The following RYR1 variants were observed in gnomAD, a reference collection of about 807,000 sequenced individuals.
The protein encoded by RYR1 is ryanodine receptor 1.
Under a neutral mutation model 583.5 loss-of-function variants are expected in RYR1, and 342 were observed. The observed-to-expected ratio is 0.59, with a 90% CI of 0.54 to 0.64. The LOEUF (loss-of-function observed/expected upper bound fraction) is 0.64. Among genes scored for constraint, RYR1 ranks in the 30% least tolerant of loss-of-function variants. The pLI is 0.00. For missense variants in RYR1, 6,032 were observed against 6,917.2 expected, an observed-to-expected ratio of 0.87 and a Z score of 4.54; for synonymous variants, 2,791 against 2,822.5, an observed-to-expected ratio of 0.99 and a Z score of 0.35.
chr19:38,496,639 C>G lies in RYR1; in HGVS notation c.6796+98C>G, dbSNP rs1969843430. Reference sequence around the variant, plus strand: ...TCCACCAGCTCACTCATTCAACAAACACTCCCTCTCAACTGTGGTTCTGGC... The same window carrying G: ...TCCACCAGCTCACTCATTCAACAAAGACTCCCTCTCAACTGTGGTTCTGGC... On this transcript the variant is annotated intron_variant, in intron 41 of 105. Coordinates refer to ENST00000359596, the MANE Select transcript of RYR1 (RefSeq NM_000540.3). This position sits in a 1 kb window ranked among gnomAD's most constrained non-coding sequence, Gnocchi z 4.8. The G allele has an allele frequency of 6.9e-7, 1 of 1,450,984 alleles. No homozygotes were observed. The highest frequency in any genetic ancestry group is 1.7e-5 in the Admixed American group (1 of 58,346). The allele number at this position is 1,450,984 out of a possible 1,614,324, so 89.9% of individuals were successfully genotyped here. A position where few individuals can be genotyped will look rare whatever the true frequency, so the allele number is the denominator to read the frequency against.
intron 10 of RYR1, 58 bp downstream of exon 10, chr19:38,448,569 G>T (rs1300158394): frequency 2.5e-6 from 4 of 1,613,974 alleles, no homozygotes; most frequent in Admixed American, 1.7e-5. Context: ...AGCCCAGCCT[G>T]CACTCTGCAG....
chr19:38,446,617 T>C (rs111657415), intron 8 of RYR1, 52 bp downstream of exon 8: 1 of 1,599,730 alleles, frequency 6.3e-7, no homozygotes, highest in Non-Finnish European at 8.6e-7. Context: ...CGTGGAGGGC[T>C]GGGACCCTAT....
At chr19:38,515,776 G>C (rs1332385286) in intron 64 of RYR1, among the ~76,000 whole-genome samples, 3 of 151,970 alleles carry the variant, frequency 2.0e-5, no homozygotes, top group Non-Finnish European at 4.4e-5. Context: ...CTACAAAAAC[G>C]ACTTTTTTTA....
chr19:38,461,972 T>C (rs946825084), intron 20 of RYR1, among the ~76,000 whole-genome samples: 5 of 151,894 alleles, frequency 3.3e-5, no homozygotes, highest in Non-Finnish European at 7.4e-5. Flanking sequence ...GGAGAATCAC[T>C]TGAACCCGGG....
intron 31 of RYR1, among the ~76,000 whole-genome samples, chr19:38,482,709 C>T (rs1250967905): frequency 6.6e-6 from 1 of 152,058 alleles, no homozygotes; most frequent in African/African-American, 2.4e-5. Flanking sequence ...TTCAGCCTCC[C>T]AAAGTTCTAG....
At chr19:38,585,165 C>A in intron 102 of RYR1, 66 bp downstream of exon 102, 1 of 1,573,942 alleles carries the variant, frequency 6.4e-7, no homozygotes, top group Non-Finnish European at 8.7e-7. Context: ...GAATGCAGGC[C>A]CAGGATCCAG....
At chr19:38,436,239 A>G (rs1972422520) in intron 1 of RYR1, among the ~76,000 whole-genome samples, 1 of 146,878 alleles carries the variant, frequency 6.8e-6, no homozygotes, top group Admixed American at 6.8e-5. Context: ...CAGAGTCTCA[A>G]TCTGTTGCCC....
Position 38,502,748 on chromosome 19 carries a change from G to GAGT in RYR1, c.7835+21_7835+22insAGT, listed in dbSNP as rs1970201301. 6.0e-6 allele frequency: 9 copies of GAGT among 1,510,542 alleles called. No homozygotes were observed. The African/African-American group carries it at 8.6e-5, about 14-fold the overall frequency. The allele number at this position is 1,510,542 out of a possible 1,614,324, so 93.6% of individuals were successfully genotyped here. On this transcript the variant is annotated intron_variant, in intron 48 of 105. Coordinates refer to ENST00000359596, the MANE Select transcript of RYR1 (RefSeq NM_000540.3). ...TGCAGGTGGAGCGGGGCAGGCTTCAGGGTGGGGCAGGGGCAGGGGCAGGGG... is the reference window on the plus strand; with the variant it reads ...TGCAGGTGGAGCGGGGCAGGCTTCAGAGTGGTGGGGCAGGGGCAGGGGCAGGGG...
intron 76 of RYR1, among the ~76,000 whole-genome samples, chr19:38,530,145 G>A (rs1971666654): frequency 6.6e-6 from 1 of 152,068 alleles, no homozygotes; most frequent in African/African-American, 2.4e-5. Flanking sequence ...GTAGAGACGG[G>A]CTTTCACCAT....
intron 39 of RYR1, among the ~76,000 whole-genome samples, 192 bp downstream of exon 39, chr19:38,494,817 C>G (rs937196590): frequency 6.6e-6 from 1 of 150,866 alleles, no homozygotes; most frequent in East Asian, 1.9e-4. Context: ...AGCTCCGCTT[C>G]TGTGTGACTC....
chr19:38,494,977 C>A (rs1490439559), intron 39 of RYR1, among the ~76,000 whole-genome samples: 1 of 151,748 alleles, frequency 6.6e-6, no homozygotes, highest in Non-Finnish European at 1.5e-5. Flanking sequence ...CTCAGCCTCC[C>A]AAGTAGCTGG....
chr19:38,499,941 G>A lies in RYR1; in HGVS notation c.7248G>A (p.Val2416=). ...AGGAACCGCCTGAAGAAAACCGGGT[G>A]CACCTGGGACACGCCATCATGTCCT... is the stretch of plus-strand genomic sequence containing the variant. ...FGEEPPEENR[V]HLGHAIMSFY... The change falls in exon 45 of 106, where the codon GTG becomes GTA. Residue 2416 remains valine, a synonymous_variant. Transcript: ENST00000359596. This position sits in a 1 kb window ranked among gnomAD's most constrained non-coding sequence, Gnocchi z 7.3. 1 of 1,614,128 alleles carries A rather than the reference G, an allele frequency of 6.2e-7. No homozygotes were observed. Among genetic ancestry groups the A allele is most frequent in the Non-Finnish European group, 8.5e-7 (1 of 1,180,012 alleles).
At chr19:38,472,766 G>A (rs2145479646) in intron 27 of RYR1, among the ~76,000 whole-genome samples, 1 of 150,636 alleles carries the variant, frequency 6.6e-6, no homozygotes, top group Non-Finnish European at 1.5e-5. Flanking sequence ...AATCCAGGAG[G>A]CAGAGGTTGC....
At chr19:38,518,416 A>G (rs539492531) in intron 66 of RYR1, among the ~76,000 whole-genome samples, 2 of 143,494 alleles carry the variant, frequency 1.4e-5, no homozygotes, top group East Asian at 2.2e-4. Flanking sequence ...AAAAAAAAAA[A>G]AAAAAAAGAA....
chr19:38,441,342 G>A lies in RYR1; in HGVS notation c.165+478G>A, dbSNP rs3786828. 1.9e-3 allele frequency among the ~76,000 whole-genome samples: 282 copies of A among 147,732 alleles called. 1 individual carries two copies. The highest frequency in any genetic ancestry group is 6.7e-3 in the African/African-American group (266 of 39,844). ...GGGGTTTTATTTTTTATTTTTAAAAGTTTTTCAGGTAACAAGACTGAATTA... is the reference window on the plus strand; with the variant it reads ...GGGGTTTTATTTTTTATTTTTAAAAATTTTTCAGGTAACAAGACTGAATTA... On this transcript the variant is annotated intron_variant, in intron 2 of 105. Transcript: ENST00000359596.
chr19:38,515,218 C>G (rs748030611), intron 64 of RYR1, 111 bp downstream of exon 64: 2 of 877,094 alleles, frequency 2.3e-6, no homozygotes, highest in Middle Eastern at 6.2e-4. Context: ...AGAATTTTCC[C>G]GCACACGGCG....
rs557656630 is a variant in RYR1 at position 38,495,989 on chromosome 19, C to T, written c.6549-226C>T. ...TGTTGGCCAGGCTGATCTCGATCTC[C>T]TGACCTCAAGTGATCCTCTAGCTTC... On this transcript the variant is annotated intron_variant, in intron 39 of 105. Coordinates refer to ENST00000359596, the MANE Select transcript of RYR1 (RefSeq NM_000540.3). Among the ~76,000 whole-genome samples the T allele has an allele frequency of 4.6e-5, 7 of 152,238 alleles. 1 individual carries two copies. In the South Asian group the frequency reaches 1.4e-3, roughly 32 times the overall value.
chr19:38,490,293 CGCTG>C lies in RYR1; in HGVS notation c.6015+20_6015+23del. On this transcript the variant is annotated intron_variant, in intron 36 of 105. Transcript: ENST00000359596. The stretch of plus-strand genomic sequence containing the variant: ...CAGGAACAGGTCATCTGACCCCTGA[CGCTG>C]GCCACTTTTACTGTCTAAACCCCAA... 6.2e-7 allele frequency: 1 copy of C among 1,609,992 alleles called. No individual in the cohort carries two copies. The highest frequency in any genetic ancestry group is 8.5e-7 in the Non-Finnish European group (1 of 1,177,908).
Position 38,478,679 on chromosome 19 carries a change from G to A in RYR1, c.4620+79G>A, listed in dbSNP as rs1968868209. On this transcript the variant is annotated intron_variant, in intron 31 of 105. Transcript: ENST00000359596. ...ACAGCTCTTATAGATGTCCCCTGAG[G>A]CCAGACCTCAGAGATGGAACAAAAA... 2.6e-6 allele frequency: 4 copies of A among 1,539,870 alleles called. No individual in the cohort carries two copies. The South Asian group carries it at 3.4e-5, about 13-fold the overall frequency.
Sources: gnomAD v4.1 joint callset for allele counts (sites outside exome capture counted in the v4.1 genomes callset) on GRCh38, gnomAD v4.1.1 for gene constraint, Gnocchi (gnomAD v3.1) non-coding constraint, MANE v1.5 for transcripts, NCBI Gene and HGNC (gene_info 2026-07-23, HGNC 2026-07-21) for gene names.